The following RAP1GAP2 variants were observed in gnomAD, a reference collection of about 807,000 sequenced individuals.
The protein encoded by RAP1GAP2 is RAP1 GTPase activating protein 2.
In RAP1GAP2, 27 loss-of-function variants were observed where a neutral mutation model predicts 95.0. The ratio of observed to expected loss-of-function variants is 0.28; its 90% CI spans 0.21 to 0.39. The LOEUF is 0.39. RAP1GAP2 is among the 10% of genes least tolerant of loss of function. The probability of loss-of-function intolerance (pLI) is 1.00; values close to 1 mark genes in which losing one functional copy is unlikely to be tolerated. For synonymous variants in RAP1GAP2, 373 were observed against 380.9 expected (o/e 0.98, Z 0.24); for missense variants, 771 against 970.0 (o/e 0.79, Z 2.72).
At chr17:2,868,675 G>C (rs539909496) in intron 2 of RAP1GAP2, among the ~76,000 whole-genome samples, 77 of 121,140 alleles carry the variant, frequency 6.4e-4, no homozygotes, top group African/African-American at 2.4e-3. Flanking sequence ...GTGCCACTAC[G>C]CCTGTCTAAT....
rs148047437 is a variant in RAP1GAP2, at chr17:2,845,869, TAAATA to T, written c.80+45339_80+45343del. On this transcript the variant is annotated intron_variant, in intron 2 of 24. Transcript: ENST00000254695. ...GAGTGAGGCTCTGTCTTAAAATAAATAAATAAAATAAAATAAAATAAAATTTCTTA... is the reference window on the plus strand; with the variant it reads ...GAGTGAGGCTCTGTCTTAAAATAAATAAATAAAATAAAATAAAATTTCTTA... 2.5e-3 allele frequency among the ~76,000 whole-genome samples: 377 copies of T among 149,476 alleles called. 3 individuals carry two copies. The highest frequency in any genetic ancestry group is 7.8e-3 in the African/African-American group (316 of 40,390).
intron 1 of RAP1GAP2, among the ~76,000 whole-genome samples, chr17:2,787,567 G>A (rs1450193240): frequency 6.6e-6 from 1 of 151,386 alleles, no homozygotes; most frequent in Non-Finnish European, 1.5e-5. Flanking sequence ...CTGTTTTTTT[G>A]TTTTGTTTTG....
intron 2 of RAP1GAP2, among the ~76,000 whole-genome samples, chr17:2,898,002 C>G (rs1216131763): frequency 6.7e-6 from 1 of 150,230 alleles, no homozygotes; most frequent in African/African-American, 2.5e-5. Flanking sequence ...CTCACTGTAG[C>G]CTTGATCTCC....
At chr17:2,863,180 G>A (rs146610176) in intron 2 of RAP1GAP2, among the ~76,000 whole-genome samples, 328 of 152,036 alleles carry the variant, frequency 2.2e-3, no homozygotes, top group African/African-American at 7.3e-3. Flanking sequence ...AGAGGGTCTC[G>A]AAGAATCCAA....
At chr17:2,810,163 G>A in intron 2 of RAP1GAP2, among the ~76,000 whole-genome samples, 1 of 152,002 alleles carries the variant, frequency 6.6e-6, no homozygotes, top group Non-Finnish European at 1.5e-5. Context: ...GAAGGGCGAG[G>A]GGAGCAAATG....
chr17:2,922,551 A>C (rs1042585378), intron 3 of RAP1GAP2, among the ~76,000 whole-genome samples: 2 of 152,118 alleles, frequency 1.3e-5, no homozygotes, highest in Non-Finnish European at 1.5e-5. Context: ...TAAGTCATTC[A>C]AGTGCCACTG....
At chr17:2,810,978 C>T (rs897965299) in intron 2 of RAP1GAP2, among the ~76,000 whole-genome samples, 8 of 152,136 alleles carry the variant, frequency 5.3e-5, no homozygotes, top group African/African-American at 1.9e-4. Context: ...AAGCTGACCG[C>T]TGTTTTCATC....
At chr17:2,812,503 G>A (rs1006787929) in intron 2 of RAP1GAP2, among the ~76,000 whole-genome samples, 2 of 152,136 alleles carry the variant, frequency 1.3e-5, no homozygotes, top group Non-Finnish European at 2.9e-5. Context: ...CTGGCCCGAA[G>A]GCAGACCTTG....
chr17:3,003,258 C>T lies in RAP1GAP2; in HGVS notation c.1201-2111C>T, dbSNP rs1419794679. ...AGGCGAGAAATTGGCTCCACGGAGT[C>T]GGGTGTGCACGAAGCATCACTCTGG... On this transcript the variant is annotated intron_variant, in intron 14 of 24. Transcript: ENST00000254695. The surrounding 1 kb of genome is among the most constrained non-coding windows in gnomAD (Gnocchi z 4.1). Among the ~76,000 whole-genome samples, 4 of 152,112 alleles carry T rather than the reference C, an allele frequency of 2.6e-5. No homozygotes were observed. The highest frequency in any genetic ancestry group is 2.1e-4 in the South Asian group (1 of 4,832).
At chr17:2,816,300 C>G (rs749882660) in intron 2 of RAP1GAP2, among the ~76,000 whole-genome samples, 3 of 151,432 alleles carry the variant, frequency 2.0e-5, no homozygotes, top group Non-Finnish European at 2.9e-5. Context: ...AGAATTGACA[C>G]TTGTTAACAT....
chr17:2,898,575 A>G (rs976063806), intron 2 of RAP1GAP2, among the ~76,000 whole-genome samples: 5 of 152,160 alleles, frequency 3.3e-5, no homozygotes, highest in African/African-American at 1.2e-4. Flanking sequence ...GGCGGTTCCC[A>G]CATGGCAGCT....
In RAP1GAP2 at chr17:2,762,668, T is replaced by TA. The variant is rs1331664459; in HGVS notation, c.50+6902dup. Among the ~76,000 whole-genome samples the TA allele has an allele frequency of 7.2e-5, 11 of 152,016 alleles. No homozygotes were observed. The South Asian group carries it at 2.3e-3, about 32-fold the overall frequency. ...CACTTGCCTTGGCCTCCCAAAGTGC[T>TA]ATGCTGGAATTACGTGAGCCACTGC... On this transcript the variant is annotated intron_variant, in intron 1 of 25. Coordinates refer to the RAP1GAP2 transcript ENST00000637138.
intron 14 of RAP1GAP2, among the ~76,000 whole-genome samples, chr17:2,999,543 A>C (rs1233545463): frequency 1.3e-5 from 2 of 152,244 alleles, no homozygotes; most frequent in Non-Finnish European, 2.9e-5. Context: ...TTTCCCGTCA[A>C]ATAATTTCAG....
rs1354807472 is a variant in RAP1GAP2 at position 2,902,931 on chromosome 17, A to G, written c.81-2353A>G. Among the ~76,000 whole-genome samples, 2 of 152,110 alleles carry G rather than the reference A, an allele frequency of 1.3e-5. No homozygotes were observed. Among genetic ancestry groups the G allele is most frequent in the African/African-American group, 4.8e-5 (2 of 41,414 alleles). Reference sequence around the variant, plus strand: ...CATGAGCGTGGACACCTTGTGCCTGATGGGGAAAAATAGACAGCATGACTG... The same window carrying G: ...CATGAGCGTGGACACCTTGTGCCTGGTGGGGAAAAATAGACAGCATGACTG... On this transcript the variant is annotated intron_variant, in intron 2 of 24. Transcript: ENST00000254695. The surrounding 1 kb of genome is among the most constrained non-coding windows in gnomAD (Gnocchi z 4.1).
chr17:2,807,531 G>A (rs1166648938), intron 2 of RAP1GAP2, among the ~76,000 whole-genome samples: 1 of 152,110 alleles, frequency 6.6e-6, no homozygotes, highest in African/African-American at 2.4e-5. Flanking sequence ...CAAGGGCTGC[G>A]ATGCCCACAG....
At chr17:2,957,315 C>T (rs989545090) in intron 3 of RAP1GAP2, among the ~76,000 whole-genome samples, 2 of 152,114 alleles carry the variant, frequency 1.3e-5, no homozygotes, top group Non-Finnish European at 2.9e-5. Flanking sequence ...GTGGCCACAG[C>T]GACCCTGCTT....
At chr17:2,768,720 T>C (rs2151432801) in intron 1 of RAP1GAP2, among the ~76,000 whole-genome samples, 1 of 148,936 alleles carries the variant, frequency 6.7e-6, no homozygotes, top group East Asian at 2.0e-4. Context: ...AGAGTTGAAT[T>C]AATGAATAGA....
chr17:3,014,818 A>G (rs1219461396), intron 17 of RAP1GAP2, among the ~76,000 whole-genome samples: 1 of 152,142 alleles, frequency 6.6e-6, no homozygotes, highest in South Asian at 2.1e-4. Flanking sequence ...CCACTTCCCA[A>G]AGTGTTGGGA....
chr17:2,991,046 T>C (rs1289153806), intron 11 of RAP1GAP2, among the ~76,000 whole-genome samples: 1 of 151,938 alleles, frequency 6.6e-6, no homozygotes, highest in Non-Finnish European at 1.5e-5. Context: ...GGTTTCACCA[T>C]GTTGGCCAGG....
Sources: allele counts gnomAD v4.1 joint callset (sites outside exome capture counted in the v4.1 genomes callset), GRCh38; gene constraint gnomAD v4.1.1; non-coding constraint Gnocchi (gnomAD v3.1); transcripts MANE v1.5; gene names NCBI Gene and HGNC (gene_info 2026-07-23, HGNC 2026-07-21).